Variants in PTPRT observed in about 807,000 individuals in gnomAD.
The protein encoded by PTPRT is protein tyrosine phosphatase receptor type T.
PTPRT carries 56 observed loss-of-function variants against 176.8 expected under a neutral mutation model. That is an observed-to-expected ratio of 0.32 (90% CI 0.26 to 0.40). The LOEUF (loss-of-function observed/expected upper bound fraction) is 0.40, where lower values mean the gene tolerates loss of function less well. Ranked by LOEUF, PTPRT falls within the 10% of genes least tolerant of loss-of-function variation. PTPRT has a pLI of 1.00. For synonymous variants in PTPRT, 783 were observed against 739.0 expected (o/e 1.06, Z -0.96); for missense variants, 1,540 against 1,908.2 (o/e 0.81, Z 3.60).
At chr20:42,404,881 T>G (rs1174037924) in intron 9 of PTPRT, among the ~76,000 whole-genome samples, 3 of 150,330 alleles carry the variant, frequency 2.0e-5, no homozygotes, top group Non-Finnish European at 4.4e-5. Flanking sequence ...AACTGAAGTA[T>G]GAGATTTTAT....
At chr20:42,447,930 C>T (rs986291494) in intron 9 of PTPRT, among the ~76,000 whole-genome samples, 4 of 152,158 alleles carry the variant, frequency 2.6e-5, no homozygotes, top group Admixed American at 2.6e-4. Context: ...CCTTCTCTTC[C>T]ACATAAGAAC....
intron 11 of PTPRT, among the ~76,000 whole-genome samples, chr20:42,344,147 G>A (rs2058153139): frequency 1.3e-5 from 2 of 152,268 alleles, no homozygotes; most frequent in African/African-American, 2.4e-5. Flanking sequence ...TGATCTGCCT[G>A]CCTTAGCCTC....
intron 1 of PTPRT, among the ~76,000 whole-genome samples, chr20:43,174,442 T>C (rs2146467098): frequency 6.6e-6 from 1 of 152,380 alleles, no homozygotes; most frequent in Non-Finnish European, 1.5e-5. Context: ...GGTAGTCATT[T>C]CATCTCCTGC....
intron 9 of PTPRT, among the ~76,000 whole-genome samples, chr20:42,386,346 T>C (rs1247317545): frequency 1.3e-5 from 2 of 150,912 alleles, no homozygotes; most frequent in Non-Finnish European, 2.9e-5. Flanking sequence ...TCCCAGGAGT[T>C]TAAAAAAGAA....
At chr20:42,269,403 G>A (rs2056892678) in intron 13 of PTPRT, among the ~76,000 whole-genome samples, 1 of 152,172 alleles carries the variant, frequency 6.6e-6, no homozygotes, top group African/African-American at 2.4e-5. Context: ...TAGACCGGAG[G>A]CCATTGTCTG....
intron 8 of PTPRT, among the ~76,000 whole-genome samples, chr20:42,468,185 C>T (rs936548174): frequency 6.6e-6 from 1 of 152,184 alleles, no homozygotes; most frequent in African/African-American, 2.4e-5. Context: ...CTGCAAATTC[C>T]CCAGAAGACA....
At chr20:42,588,717 A>T (rs1178032003) in intron 7 of PTPRT, among the ~76,000 whole-genome samples, 1 of 152,194 alleles carries the variant, frequency 6.6e-6, no homozygotes, top group African/African-American at 2.4e-5. Flanking sequence ...AATTACATAT[A>T]TGGTTTGCAG....
At chr20:43,114,601 T>C (rs984745789) in intron 1 of PTPRT, among the ~76,000 whole-genome samples, 1 of 152,212 alleles carries the variant, frequency 6.6e-6, no homozygotes, top group African/African-American at 2.4e-5. Flanking sequence ...GCCATTATCC[T>C]ACTAATAACA....
At chr20:42,737,632 C>CAAAA (rs3064883) in intron 6 of PTPRT, among the ~76,000 whole-genome samples, 1 of 144,874 alleles carries the variant, frequency 6.9e-6, no homozygotes, top group Non-Finnish European at 1.5e-5. Context: ...ATTCTGCCTC[C>CAAAA]AAAAAAAAAA....
At position 42,400,283 on chromosome 20, in the gene PTPRT, C is replaced by T. The variant is rs75109997; in HGVS notation, c.1560+47937G>A. Among the ~76,000 whole-genome samples, 540 of 151,866 alleles carry T rather than the reference C, an allele frequency of 3.6e-3. 30 individuals are homozygous for T. In the East Asian group the frequency reaches 0.094, roughly 26 times the overall value. On this transcript the variant is annotated intron_variant, in intron 9 of 30. Transcript: ENST00000373187. ...CTTCCATATGACTTTTTTTTCATAGCAAGCATGACCCTAGACAAGCACAGT... is the reference window on the plus strand; with the variant it reads ...CTTCCATATGACTTTTTTTTCATAGTAAGCATGACCCTAGACAAGCACAGT...
intron 7 of PTPRT, among the ~76,000 whole-genome samples, chr20:42,607,179 G>C (rs1429248508): frequency 2.0e-5 from 3 of 152,130 alleles, no homozygotes; most frequent in Admixed American, 6.5e-5. Flanking sequence ...TGGCTACCAG[G>C]GGGTGGGAGA....
intron 1 of PTPRT, among the ~76,000 whole-genome samples, chr20:43,127,005 A>T (rs1039468413): frequency 6.6e-6 from 1 of 152,188 alleles, no homozygotes; most frequent in African/African-American, 2.4e-5. Context: ...TCTTCTTTTC[A>T]TTGCCACAGG....
chr20:43,138,502 G>C (rs2013904583), intron 1 of PTPRT, among the ~76,000 whole-genome samples: 2 of 152,298 alleles, frequency 1.3e-5, no homozygotes, highest in South Asian at 2.1e-4. Flanking sequence ...TACCCCACAG[G>C]GTTACTGTGA....
chr20:42,566,419 G>A (rs561135643), intron 7 of PTPRT, among the ~76,000 whole-genome samples: 29 of 152,212 alleles, frequency 1.9e-4, no homozygotes, highest in Non-Finnish European at 2.6e-4. Context: ...TACAGGCACC[G>A]CAGCCAGCTG....
chr20:42,375,676 G>A (rs1217211570), intron 9 of PTPRT, among the ~76,000 whole-genome samples: 5 of 152,124 alleles, frequency 3.3e-5, no homozygotes, highest in Non-Finnish European at 7.4e-5. Context: ...AAGAGAGGTG[G>A]TAACCAAGTA....
intron 2 of PTPRT, among the ~76,000 whole-genome samples, chr20:42,837,524 C>A (rs1217951493): frequency 6.6e-6 from 1 of 152,218 alleles, no homozygotes; most frequent in Non-Finnish European, 1.5e-5. Flanking sequence ...AATCTCGGGC[C>A]CCTGGATCCA....
At chr20:42,463,939 T>A (rs1454587098) in intron 8 of PTPRT, among the ~76,000 whole-genome samples, 1 of 152,202 alleles carries the variant, frequency 6.6e-6, no homozygotes, top group Non-Finnish European at 1.5e-5. Flanking sequence ...AACTATAGCC[T>A]TTTAATTGAA....
At chr20:42,576,437 C>T (rs550730080) in intron 7 of PTPRT, among the ~76,000 whole-genome samples, 19 of 152,274 alleles carry the variant, frequency 1.2e-4, no homozygotes, top group African/African-American at 2.2e-4. Flanking sequence ...TGCTGACTGA[C>T]GGGATGCATC....
chr20:42,162,801 C>T (rs958997082), intron 16 of PTPRT, among the ~76,000 whole-genome samples: 1 of 152,220 alleles, frequency 6.6e-6, no homozygotes, highest in African/African-American at 2.4e-5. Flanking sequence ...TGCCCTTCAG[C>T]TTATTTGCCT....
Sources: gnomAD v4.1 joint callset for allele counts (sites outside exome capture counted in the v4.1 genomes callset) on GRCh38, gnomAD v4.1.1 for gene constraint, MANE v1.5 for transcripts, NCBI Gene and HGNC (gene_info 2026-07-23, HGNC 2026-07-21) for gene names.